The following TUBE1 variants were observed in gnomAD, a reference collection of about 807,000 sequenced individuals.
The protein encoded by TUBE1 is tubulin epsilon 1.
In TUBE1, 34 loss-of-function variants were observed where a neutral mutation model predicts 53.5. The observed-to-expected ratio is 0.64, with a 90% CI of 0.48 to 0.85. TUBE1 has a LOEUF of 0.85. Among genes scored for constraint, TUBE1 ranks in the 40% least tolerant of loss-of-function variants. The pLI is 0.00. For synonymous variants in TUBE1, 177 were observed against 198.4 expected (o/e 0.89, Z 0.91); for missense variants, 532 against 570.5 (o/e 0.93, Z 0.69).
chr6:112,076,076 C>T lies in TUBE1; in HGVS notation c.673G>A (p.Val225Met). 2 of 1,613,020 alleles carry T rather than the reference C, an allele frequency of 1.2e-6. No individual in the cohort carries two copies. Among genetic ancestry groups the T allele is most frequent in the Non-Finnish European group, 1.7e-6 (2 of 1,179,540 alleles). Residue 225 changes from valine (V) to methionine (M), a missense_variant, in exon 8 of 12, where the codon GTG becomes ATG. Coordinates refer to ENST00000368662, the MANE Select transcript of TUBE1 (RefSeq NM_016262.5). Reference protein sequence around the residue: ...FDIISKIDLMVNSGKLGTTVK... With the variant: ...FDIISKIDLMMNSGKLGTTVK... The stretch of plus-strand genomic sequence containing the variant: ...GTTGTACCCAACTTTCCAGAATTCA[C>T]CATGAGGTCGATTTTGCTAATGATG...
At chr6:112,081,814 GAAA>G (rs797037415) in intron 4 of TUBE1, among the ~76,000 whole-genome samples, 1 of 132,292 alleles carries the variant, frequency 7.6e-6, no homozygotes, top group Non-Finnish European at 1.6e-5. Context: ...AAAAAAAACA[GAAA>G]AAAAAAAAGA....
chr6:112,086,518 A>G (rs782729985), intron 3 of TUBE1, 38 bp downstream of exon 3: 1 of 1,515,608 alleles, frequency 6.6e-7, no homozygotes, highest in South Asian at 1.2e-5. Flanking sequence ...ACTGAAACTT[A>G]AAGTATCACA....
intron 9 of TUBE1, among the ~76,000 whole-genome samples, chr6:112,074,096 T>C (rs113406711): frequency 0.022 from 3,282 of 152,312 alleles, 119 homozygotes; most frequent in African/African-American, 0.076. Flanking sequence ...TTGGCAGGAC[T>C]TTTTCCCTCA....
At chr6:112,076,150 A>G in intron 7 of TUBE1, 38 bp from the exon 8 acceptor site, 1 of 1,575,312 alleles carries the variant, frequency 6.3e-7, no homozygotes, top group Non-Finnish European at 8.7e-7. Flanking sequence ...AGCTATTAAG[A>G]AGAGTGGATG....
At chr6:112,072,947 A>G in intron 9 of TUBE1, 49 bp from the exon 10 acceptor site, 2 of 1,582,258 alleles carry the variant, frequency 1.3e-6, no homozygotes, top group South Asian at 1.1e-5. Flanking sequence ...ACTTCTTTCT[A>G]TGTATAACTA....
intron 6 of TUBE1, chr6:112,077,773 T>C (rs1245442425): frequency 2.0e-5 from 3 of 151,968 alleles, no homozygotes; most frequent in Admixed American, 1.3e-4. Context: ...ACAGTTTTGA[T>C]TTCATTAAAA....
chr6:112,079,541 A>G, intron 6 of TUBE1, 92 bp downstream of exon 6: 1 of 1,311,416 alleles, frequency 7.6e-7, no homozygotes, highest in East Asian at 2.4e-5. Flanking sequence ...TATCTTTATC[A>G]AGCACAGGTC....
intron 6 of TUBE1, 98 bp downstream of exon 6, chr6:112,079,535 T>G: frequency 7.9e-7 from 1 of 1,262,568 alleles, no homozygotes; most frequent in Non-Finnish European, 1.1e-6. Flanking sequence ...TAGTTCTATC[T>G]TTATCAAGCA....
intron 7 of TUBE1, 72 bp downstream of exon 7, chr6:112,076,250 A>G (rs1444753988): frequency 6.8e-7 from 1 of 1,470,322 alleles, no homozygotes; most frequent in Non-Finnish European, 9.2e-7. Context: ...AACGTTTCAT[A>G]TAAACACACA....
rs1022711254 is a variant in TUBE1, at chr6:112,082,021, T to C, written c.211-814A>G. 8.5e-5 allele frequency among the ~76,000 whole-genome samples: 13 copies of C among 152,248 alleles called. No individual in the cohort carries two copies. In the East Asian group the frequency reaches 1.3e-3, roughly 16 times the overall value. On this transcript the variant is annotated intron_variant, in intron 4 of 11. Coordinates refer to ENST00000368662, the MANE Select transcript of TUBE1 (RefSeq NM_016262.5). ...GTACACTAAACAATGATTTGTTAACTGTTTGATTCAGTGTCACAGAGGAAG... is the reference window on the plus strand; with the variant it reads ...GTACACTAAACAATGATTTGTTAACCGTTTGATTCAGTGTCACAGAGGAAG...
chr6:112,086,480 T>C, intron 3 of TUBE1, 76 bp downstream of exon 3: 2 of 1,091,572 alleles, frequency 1.8e-6, no homozygotes, highest in Non-Finnish European at 2.6e-6. Flanking sequence ...CTATTTTTAT[T>C]GTCCTTTGAA....
At position 112,072,609 on chromosome 6, in the gene TUBE1, A is replaced by G. The variant is rs1397002656; in HGVS notation, c.1094+149T>C. 3.2e-5 allele frequency: 22 copies of G among 687,460 alleles called. No homozygotes were observed. The Admixed American group carries it at 4.3e-4, about 13-fold the overall frequency. 42.6% of individuals were successfully genotyped at this position (687,460 alleles called of 1,614,324 possible). A position where few individuals can be genotyped will look rare whatever the true frequency, so the allele number is the denominator to read the frequency against. On this transcript the variant is annotated intron_variant, in intron 10 of 11. Coordinates refer to ENST00000368662, the MANE Select transcript of TUBE1 (RefSeq NM_016262.5). ...TTATCCTTATTTTACACTTGAAGAA[A>G]ACAAGGCACAAAGAGACTAAGTAGT...
Position 112,076,429 on chromosome 6 carries a change from T to C in TUBE1, c.529A>G (p.Ile177Val). Reference sequence around the variant, plus strand: ...ACATCATCCTCACCAGAAGGATAAATGGAAGTCACAAATCTGTATACTTCT... The same window carrying C: ...ACATCATCCTCACCAGAAGGATAAACGGAAGTCACAAATCTGTATACTTCT... ...FPEVYRFVTS[I>V]YPSGEDDVIT... Residue 177 changes from isoleucine (I) to valine (V), a missense_variant, in exon 7 of 12, where the codon ATT becomes GTT. Transcript: ENST00000368662. 3.1e-6 allele frequency: 5 copies of C among 1,613,700 alleles called. No individual in the cohort carries two copies. The highest frequency in any genetic ancestry group is 4.2e-6 in the Non-Finnish European group (5 of 1,179,784).
In TUBE1 at chr6:112,071,097, T is replaced by C. The variant is rs192251173; in HGVS notation, c.*315A>G. 1.9e-3 allele frequency: 312 copies of C among 163,886 alleles called. 1 individual carries two copies. The highest frequency in any genetic ancestry group is 7.2e-3 in the African/African-American group (302 of 42,034). 10.2% of individuals were successfully genotyped at this position (163,886 alleles called of 1,614,324 possible). Reference sequence around the variant, plus strand: ...AAAATATATCTGTACAAGATTTTTATTGAAGACACATCAGTGCATAAATGC... The same window carrying C: ...AAAATATATCTGTACAAGATTTTTACTGAAGACACATCAGTGCATAAATGC... On this transcript the variant is annotated 3_prime_UTR_variant, in exon 12 of 12. Transcript: ENST00000368662.
In TUBE1 at chr6:112,071,533, T is replaced by A. The variant is rs138471134; in HGVS notation, c.1307A>T (p.Glu436Val). Residue 436 changes from glutamate (E) to valine (V), a missense_variant, in exon 12 of 12, where the codon GAA becomes GTA. By Grantham distance (121) the Glu-to-Val change is moderately radical. Transcript: ENST00000368662. The stretch of plus-strand genomic sequence containing the variant: ...CACAGCTTCTGTGAAACAGCTTTCT[T>A]CCATCCCTTCAACTTGTAGATAGTG... ...LHHYLQVEGM[E>V]ESCFTEAVSS... The A allele has an allele frequency of 1.2e-6, 2 of 1,612,000 alleles. No individual in the cohort carries two copies. The highest frequency in any genetic ancestry group is 1.7e-6 in the Non-Finnish European group (2 of 1,178,896).
chr6:112,071,535 C>T lies in TUBE1; in HGVS notation c.1305G>A (p.Met435Ile). The change falls in exon 12 of 12, where the codon ATG (methionine) becomes ATA (isoleucine). Residue 435 changes from methionine to isoleucine, a missense_variant. Transcript: ENST00000368662. ...CAGCTTCTGTGAAACAGCTTTCTTC[C>T]ATCCCTTCAACTTGTAGATAGTGAT... ...HLHHYLQVEG[M>I]EESCFTEAVS... The T allele has an allele frequency of 1.9e-6, 3 of 1,611,484 alleles. No individual in the cohort carries two copies. Among genetic ancestry groups the T allele is most frequent in the Non-Finnish European group, 2.5e-6 (3 of 1,178,528 alleles).
At chr6:112,086,809 A>AG in intron 2 of TUBE1, 1 of 531,570 alleles carries the variant, frequency 1.9e-6, no homozygotes, top group East Asian at 3.1e-5. Context: ...AAAGTTCAGC[A>AG]GGGGGTGCTA....
chr6:112,072,012 C>T lies in TUBE1; in HGVS notation c.1159G>A (p.Val387Ile), dbSNP rs150820524. 261 of 1,612,388 alleles carry T rather than the reference C, an allele frequency of 1.6e-4. No homozygotes were observed. Among genetic ancestry groups the T allele is most frequent in the Middle Eastern group, 1.7e-4 (1 of 5,978 alleles). Residue 387 changes from valine (V) to isoleucine (I), a missense_variant, in exon 11 of 12, where the codon GTA (valine) becomes ATA (isoleucine). Transcript: ENST00000368662. ...GAATGAGAATGGCCCACAGGAGGTACGGAACACAGGCTGGTCTTCCAGCCT... is the reference window on the plus strand; with the variant it reads ...GAATGAGAATGGCCCACAGGAGGTATGGAACACAGGCTGGTCTTCCAGCCT... ...QEGWKTSLCS[V>I]PPVGHSHSLL...
At chr6:112,076,286 T>C (rs1776966658) in intron 7 of TUBE1, 36 bp downstream of exon 7, 1 of 1,522,018 alleles carries the variant, frequency 6.6e-7, no homozygotes, top group Non-Finnish European at 8.8e-7. Context: ...TGAATATATA[T>C]AACATTTATT....
Sources: allele counts gnomAD v4.1 joint callset (sites outside exome capture counted in the v4.1 genomes callset), GRCh38; gene constraint gnomAD v4.1.1; transcripts MANE v1.5; gene names NCBI Gene and HGNC (gene_info 2026-07-23, HGNC 2026-07-21).